The following CADM2 variants were observed in gnomAD, a reference collection of about 807,000 sequenced individuals.
The protein encoded by CADM2 is cell adhesion molecule 2.
A neutral mutation model predicts 49.8 loss-of-function variants in CADM2; 12 were observed. The observed-to-expected ratio is 0.24, with a 90% CI of 0.15 to 0.39. CADM2 has a LOEUF of 0.39. Ranked by LOEUF, CADM2 falls within the 10% of genes least tolerant of loss-of-function variation. The probability of loss-of-function intolerance (pLI) is 1.00; values close to 1 mark genes in which losing one functional copy is unlikely to be tolerated. For missense variants in CADM2, 378 were observed against 492.3 expected, an observed-to-expected ratio of 0.77 and a Z score of 2.20; for synonymous variants, 214 against 175.4, an observed-to-expected ratio of 1.22 and a Z score of -1.74.
intron 1 of CADM2, among the ~76,000 whole-genome samples, chr3:85,671,405 C>A (rs1577058359): frequency 6.6e-6 from 1 of 152,078 alleles, no homozygotes; most frequent in East Asian, 1.9e-4. Flanking sequence ...ACCTGTTTTC[C>A]AACAGTATAT....
chr3:85,443,104 A>G (rs2037287779), intron 1 of CADM2, among the ~76,000 whole-genome samples: 1 of 152,100 alleles, frequency 6.6e-6, no homozygotes, highest in African/African-American at 2.4e-5. Context: ...AAGTTACATT[A>G]AAATAAACGG....
At chr3:85,985,632 A>G (rs903488334) in intron 8 of CADM2, among the ~76,000 whole-genome samples, 3 of 152,090 alleles carry the variant, frequency 2.0e-5, no homozygotes, top group African/African-American at 7.2e-5. Context: ...TTTTTAAATC[A>G]TGTGCATCAG....
At chr3:85,175,626 G>A (rs1028351521) in intron 1 of CADM2, among the ~76,000 whole-genome samples, 1 of 152,110 alleles carries the variant, frequency 6.6e-6, no homozygotes, top group Non-Finnish European at 1.5e-5. Flanking sequence ...AGTGAGTTAA[G>A]AGTTTAAGTT....
rs957898479 is a variant in CADM2, at chr3:85,593,778, C to T, written c.62-132744C>T. On this transcript the variant is annotated intron_variant, in intron 1 of 9. Transcript: ENST00000383699. ...TATAGGGTACTAAGCAGTAGGAAAT[C>T]GGATGAGAAAATTTATGTTATCTGT... Among the ~76,000 whole-genome samples, 5 of 151,904 alleles carry T rather than the reference C, an allele frequency of 3.3e-5. No homozygotes were observed. The East Asian group carries it at 5.8e-4, about 18-fold the overall frequency.
intron 8 of CADM2, among the ~76,000 whole-genome samples, chr3:86,018,251 C>A (rs1418369801): frequency 0.024 from 3,008 of 124,208 alleles, 83 homozygotes; most frequent in African/African-American, 0.063. Flanking sequence ...TGTATATGTG[C>A]CACATTTTCT....
intron 5 of CADM2, among the ~76,000 whole-genome samples, chr3:85,889,742 AT>A (rs2108412462): frequency 6.6e-6 from 1 of 152,220 alleles, no homozygotes; most frequent in South Asian, 2.1e-4. Flanking sequence ...TTTTCAGGAA[AT>A]CATGATGAGT....
intron 1 of CADM2, among the ~76,000 whole-genome samples, chr3:85,214,752 C>A (rs1052857475): frequency 4.0e-5 from 6 of 151,850 alleles, no homozygotes; most frequent in Non-Finnish European, 4.4e-5. Flanking sequence ...CAGCCCATGG[C>A]AAGTACTGCC....
intron 1 of CADM2, among the ~76,000 whole-genome samples, chr3:85,132,897 T>C (rs2039279897): frequency 6.6e-6 from 1 of 152,198 alleles, no homozygotes; most frequent in South Asian, 2.1e-4. Context: ...CCGCGGACCC[T>C]GGCGGTGAGT....
intron 1 of CADM2, among the ~76,000 whole-genome samples, chr3:85,578,419 G>A (rs1007689936): frequency 1.3e-5 from 2 of 152,188 alleles, no homozygotes; most frequent in African/African-American, 4.8e-5. Flanking sequence ...ATACTGATAT[G>A]AGAGAGATGT....
chr3:85,156,073 C>T (rs1307195043), intron 1 of CADM2, among the ~76,000 whole-genome samples: 2 of 152,028 alleles, frequency 1.3e-5, no homozygotes, highest in East Asian at 1.9e-4. Flanking sequence ...ACTAGAAAAA[C>T]AAGAGCAAAC....
chr3:85,697,015 T>A (rs908741364), intron 1 of CADM2, among the ~76,000 whole-genome samples: 1 of 151,260 alleles, frequency 6.6e-6, no homozygotes, highest in Admixed American at 6.6e-5. Context: ...TTTGAAACAC[T>A]AACTAAACTT....
chr3:85,687,004 CTG>C (rs1327079312), intron 1 of CADM2, among the ~76,000 whole-genome samples: 1 of 152,160 alleles, frequency 6.6e-6, no homozygotes, highest in African/African-American at 2.4e-5. Flanking sequence ...CCTCTTGAGG[CTG>C]TGTCACGGGT....
chr3:85,387,352 C>A (rs192087847), intron 1 of CADM2, among the ~76,000 whole-genome samples: 1 of 152,238 alleles, frequency 6.6e-6, no homozygotes, highest in African/African-American at 2.4e-5. Context: ...AGTTATACAT[C>A]TCATTAATTC....
intron 1 of CADM2, among the ~76,000 whole-genome samples, chr3:85,159,310 A>T (rs932912570): frequency 2.7e-5 from 4 of 148,284 alleles, no homozygotes; most frequent in Admixed American, 2.6e-4. Flanking sequence ...ATGGTGGTCC[A>T]GAGTGGAGAG....
intron 1 of CADM2, among the ~76,000 whole-genome samples, chr3:85,465,667 C>A (rs986799273): frequency 3.3e-5 from 5 of 152,172 alleles, no homozygotes; most frequent in Admixed American, 2.6e-4. Flanking sequence ...AGATTATAGG[C>A]GTGTTACATT....
intron 1 of CADM2, among the ~76,000 whole-genome samples, chr3:85,231,879 T>G (rs958020401): frequency 1.3e-5 from 2 of 151,370 alleles, no homozygotes; most frequent in African/African-American, 2.4e-5. Context: ...ACCCGACTAA[T>G]TTTTGTATTT....
At chr3:85,282,067 AAT>A (rs1222383167) in intron 1 of CADM2, among the ~76,000 whole-genome samples, 6 of 152,074 alleles carry the variant, frequency 3.9e-5, no homozygotes, top group African/African-American at 1.4e-4. Context: ...CTATGCTTGA[AAT>A]ATGTGTGAAA....
At chr3:85,687,033 G>C (rs746574333) in intron 1 of CADM2, among the ~76,000 whole-genome samples, 2 of 152,056 alleles carry the variant, frequency 1.3e-5, no homozygotes, top group Non-Finnish European at 2.9e-5. Context: ...CCTCAATCTT[G>C]GCAAAATACA....
At chr3:85,552,366 G>GTGTTTTTTTTTTTTTTT (rs2061828186) in intron 1 of CADM2, among the ~76,000 whole-genome samples, 7 of 87,588 alleles carry the variant, frequency 8.0e-5, no homozygotes, top group African/African-American at 1.9e-4. Context: ...ACTTTGAAAA[G>GTGTTTTTTTTTTTTTTT]TTTTTTTTTT....
Sources: gnomAD v4.1 joint callset for allele counts (sites outside exome capture counted in the v4.1 genomes callset) on GRCh38, gnomAD v4.1.1 for gene constraint, MANE v1.5 for transcripts, NCBI Gene and HGNC (gene_info 2026-07-23, HGNC 2026-07-21) for gene names.